DIDO1: variants seen among roughly 807,000 people sequenced by gnomAD.
DIDO1 encodes the protein death-inducer obliterator 1.
Under a neutral mutation model 99.4 loss-of-function variants are expected in DIDO1, and 16 were observed. The ratio of observed to expected loss-of-function variants is 0.16; its 90% CI spans 0.11 to 0.24. The LOEUF is 0.24. Among genes scored for constraint, DIDO1 ranks in the 10% least tolerant of loss-of-function variants. The pLI, the probability that DIDO1 is intolerant of heterozygous loss-of-function variation, is 1.00. For synonymous variants in DIDO1, 1,366 were observed against 1,239.1 expected, an observed-to-expected ratio of 1.10 and a Z score of -2.15; for missense variants, 2,996 against 3,014.0, an observed-to-expected ratio of 0.99 and a Z score of 0.14.
intron 1 of DIDO1, among the ~76,000 whole-genome samples, chr20:62,925,691 C>G (rs1039560747): frequency 1.3e-5 from 2 of 152,368 alleles, no homozygotes; most frequent in African/African-American, 4.8e-5. Context: ...GAAGGAGCCC[C>G]GGACGCCGCA....
At position 62,881,768 on chromosome 20, in the gene DIDO1, G is replaced by T. The variant is rs369491823; in HGVS notation, c.4188C>A (p.Ala1396=). 1.2e-6 allele frequency: 2 copies of T among 1,613,296 alleles called. No individual in the cohort carries two copies. The highest frequency in any genetic ancestry group is 1.3e-5 in the African/African-American group (1 of 75,034). ...CTCGCTCCACAAGCTGAGTGTCGAA[G>T]GCCCTCTCCGGGTCGTACTCCTCCT... is the stretch of plus-strand genomic sequence containing the variant. ...DPEEEYDPER[A]FDTQLVERGR... is the part of the protein sequence containing the mutation. Residue 1396 remains alanine (A), a synonymous_variant, in exon 16 of 16, where the codon GCC becomes GCA. Transcript: ENST00000395343. The surrounding 1 kb of genome is among the most constrained non-coding windows in gnomAD (Gnocchi z 8.3).
rs1449564090 is a variant in DIDO1, at chr20:62,879,878, C to T, written c.6078G>A (p.Leu2026=). ...PQVMKPGPRP[L]LELPSHPPQH... is the part of the protein sequence containing the mutation. ...GCGGGGGGTGGCTGGGAAGCTCCAG[C>T]AGGGGCCTGGGGCCCGGCTTCATCA... is the stretch of plus-strand genomic sequence containing the variant. Residue 2026 remains leucine (L), a synonymous_variant, in exon 16 of 16, where the codon CTG becomes CTA. Coordinates refer to ENST00000395343, the MANE Select transcript of DIDO1 (RefSeq NM_001193369.2). The surrounding 1 kb of genome is among the most constrained non-coding windows in gnomAD (Gnocchi z 6.3). 2 of 1,591,020 alleles carry T rather than the reference C, an allele frequency of 1.3e-6. No individual in the cohort carries two copies. The highest frequency in any genetic ancestry group is 1.1e-5 in the South Asian group (1 of 88,390).
chr20:62,889,965 G>T, intron 15 of DIDO1: 1 of 985,486 alleles, frequency 1.0e-6, no homozygotes, highest in Non-Finnish European at 1.2e-6. Flanking sequence ...CGTGGGCTGT[G>T]CCTGGGGCGA....
chr20:62,915,209 T>A (rs1338677114), intron 1 of DIDO1, among the ~76,000 whole-genome samples: 1 of 152,170 alleles, frequency 6.6e-6, no homozygotes, highest in Non-Finnish European at 1.5e-5. Flanking sequence ...GCATAGTGTT[T>A]CGCATCTGTG....
At chr20:62,908,585 C>T (rs1194993583) in intron 4 of DIDO1, among the ~76,000 whole-genome samples, 1 of 152,176 alleles carries the variant, frequency 6.6e-6, no homozygotes, top group Non-Finnish European at 1.5e-5. Context: ...CATACTTAAG[C>T]GAAACCTTAT....
chr20:62,890,997 G>A lies in DIDO1; in HGVS notation c.3504C>T (p.Asp1168=). ...AGGGCAAGAGTTTGGATGGAACAGG[G>A]TCCTGGGCGCTCAGCGGGATCAGGT... ...DLYLIPLSAQ[D]PVPSKLLPFE... is the part of the protein sequence containing the mutation. Residue 1168 remains aspartate (D), a synonymous_variant, in exon 15 of 16, where the codon GAC becomes GAT. Coordinates refer to ENST00000395343, the MANE Select transcript of DIDO1 (RefSeq NM_001193369.2). 1 of 1,614,144 alleles carries A rather than the reference G, an allele frequency of 6.2e-7. No individual in the cohort carries two copies. The highest frequency in any genetic ancestry group is 8.5e-7 in the Non-Finnish European group (1 of 1,180,034).
chr20:62,897,146 T>TA (rs1172503877), intron 6 of DIDO1, 150 bp from the exon 7 acceptor site: 2 of 746,796 alleles, frequency 2.7e-6, no homozygotes, highest in South Asian at 2.0e-5. Context: ...TGTAAAATGT[T>TA]AGTGTTCAGA....
Position 62,922,109 on chromosome 20 carries a change from T to TATATACACACAC in DIDO1, c.-200+4329_-200+4330insGTGTGTGTATAT, listed in dbSNP as rs375077898. Among the ~76,000 whole-genome samples, 16 of 110,640 alleles carry TATATACACACAC rather than the reference T, an allele frequency of 1.4e-4. No individual in the cohort carries two copies. In the East Asian group the frequency reaches 2.3e-3, roughly 16 times the overall value. The allele number at this position is 110,640 out of a possible 152,430, so 72.6% of individuals were successfully genotyped here. ...ACACTATATATACACACTATATATA[T>TATATACACACAC]ACACACACACACACACATATATACA... On this transcript the variant is annotated intron_variant, in intron 1 of 15. Coordinates refer to ENST00000395343, the MANE Select transcript of DIDO1 (RefSeq NM_001193369.2).
intron 2 of DIDO1, among the ~76,000 whole-genome samples, chr20:62,912,277 A>G (rs2064960393): frequency 6.6e-6 from 1 of 152,210 alleles, no homozygotes; most frequent in Non-Finnish European, 1.5e-5. Context: ...CACGGGCACA[A>G]TGTGAGAGAA....
intron 15 of DIDO1, among the ~76,000 whole-genome samples, chr20:62,883,601 CG>C (rs2064248205): frequency 1.3e-5 from 2 of 151,762 alleles, no homozygotes; most frequent in Admixed American, 6.6e-5. Context: ...CTGAGGTGGG[CG>C]GATCATGAGG....
chr20:62,896,113 G>A lies in DIDO1; in HGVS notation c.2214+120C>T, dbSNP rs1283623603. ...CGTGGGCGGCAGAAGGATCACAGAG[G>A]AGAAAGAAACGTCTTAGCTTTCCTG... On this transcript the variant is annotated intron_variant, in intron 8 of 15. Coordinates refer to ENST00000395343, the MANE Select transcript of DIDO1 (RefSeq NM_001193369.2). The surrounding 1 kb of genome is among the most constrained non-coding windows in gnomAD (Gnocchi z 4.4). 6.3e-6 allele frequency: 7 copies of A among 1,108,702 alleles called. No homozygotes were observed. Among genetic ancestry groups the A allele is most frequent in the Non-Finnish European group, 9.0e-6 (7 of 775,142 alleles). 68.7% of individuals were successfully genotyped at this position (1,108,702 alleles called of 1,614,324 possible). A position where few individuals can be genotyped will look rare whatever the true frequency, so the allele number is the denominator to read the frequency against.
chr20:62,909,567 G>A, intron 4 of DIDO1, 132 bp downstream of exon 4: 1 of 1,025,316 alleles, frequency 9.8e-7, no homozygotes, highest in Non-Finnish European at 1.4e-6. Flanking sequence ...CAGGTGGAGT[G>A]AGGCAGGAAC....
intron 1 of DIDO1, among the ~76,000 whole-genome samples, chr20:62,921,820 C>T (rs2065141755): frequency 6.7e-6 from 1 of 149,854 alleles, no homozygotes; most frequent in African/African-American, 2.5e-5. Context: ...TGTGTATATC[C>T]ACAATATATA....
At chr20:62,883,698 A>C (rs997728549) in intron 15 of DIDO1, among the ~76,000 whole-genome samples, 3 of 152,214 alleles carry the variant, frequency 2.0e-5, no homozygotes, top group African/African-American at 7.2e-5. Context: ...GGTGGCGCAC[A>C]CCTGTAGTCC....
intron 1 of DIDO1, chr20:62,937,764 C>A: frequency 2.5e-6 from 1 of 398,332 alleles, no homozygotes; most frequent in Non-Finnish European, 4.4e-6. Context: ...CCCCGTGCGG[C>A]CTCACGCAAA....
rs144710462 is a variant in DIDO1, at chr20:62,880,349, C to A, written c.5607G>T (p.Gln1869His). ...ATGGGGCTTGCTCTGTCCCTTCAAA[C>A]TGGGCGGGGGCGCCCGTCACCTCGT... ...PYNEVTGAPA[Q>H]FEGTEQAPFL... Residue 1869 changes from glutamine to histidine, a missense_variant, in exon 16 of 16, where the codon CAG becomes CAT. Transcript: ENST00000395343. 1 of 1,612,882 alleles carries A rather than the reference C, an allele frequency of 6.2e-7. No homozygotes were observed.
At chr20:62,928,174 A>AT (rs2065285166), upstream of DIDO1, among the ~76,000 whole-genome samples, 1 of 152,130 alleles carries the variant, frequency 6.6e-6, no homozygotes, top group Non-Finnish European at 1.5e-5. Flanking sequence ...TTTTTAAGAG[A>AT]TTTTAACTCT....
At chr20:62,904,411 T>C (rs2064753410) in intron 6 of DIDO1, among the ~76,000 whole-genome samples, 2 of 152,232 alleles carry the variant, frequency 1.3e-5, no homozygotes, top group South Asian at 2.1e-4. Context: ...CTCAATTTCT[T>C]AGGTCTAGGC....
chr20:62,911,028 C>CAT lies in DIDO1; in HGVS notation c.584_585insAT (p.Gly196TrpfsTer88). The CAT allele has an allele frequency of 6.2e-7, 1 of 1,613,876 alleles. No homozygotes were observed. The highest frequency in any genetic ancestry group is 8.5e-7 in the Non-Finnish European group (1 of 1,180,038). ...CGGAGCCCACAGTCTCGGCGGGACCCTCCTCCCGGCGCTTCTTCCGCAGGC... is the reference window on the plus strand; with the variant it reads ...CGGAGCCCACAGTCTCGGCGGGACCCATTCCTCCCGGCGCTTCTTCCGCAGGC... On this transcript the variant is annotated frameshift_variant, in exon 3 of 16. Transcript: ENST00000395343. LOFTEE classifies it high-confidence loss of function. This position sits in a 1 kb window ranked among gnomAD's most constrained non-coding sequence, Gnocchi z 7.0.
Sources: gnomAD v4.1 joint callset for allele counts (sites outside exome capture counted in the v4.1 genomes callset) on GRCh38, gnomAD v4.1.1 for gene constraint, Gnocchi (gnomAD v3.1) non-coding constraint, MANE v1.5 for transcripts, NCBI Gene and HGNC (gene_info 2026-07-23, HGNC 2026-07-21) for gene names.